The following ADAMTS17 variants were observed in gnomAD, a reference collection of about 807,000 sequenced individuals.
ADAMTS17 encodes A disintegrin and metalloproteinase with thrombospondin motifs 17.
ADAMTS17 carries 113 observed loss-of-function variants against 141.5 expected under a neutral mutation model. The observed-to-expected ratio is 0.80, with a 90% CI of 0.69 to 0.93. ADAMTS17 has a LOEUF of 0.93. ADAMTS17 is among the 40% of genes least tolerant of loss of function. The pLI, the probability that ADAMTS17 is intolerant of heterozygous loss-of-function variation, is 0.00. For missense variants in ADAMTS17, 1,659 were observed against 1,517.9 expected, an observed-to-expected ratio of 1.09 and a Z score of -1.54; for synonymous variants, 768 against 630.6, an observed-to-expected ratio of 1.22 and a Z score of -3.27.
rs1181436317 is a variant in ADAMTS17 at position 100,066,744 on chromosome 15, TCTGTCTCAG to T, written c.2138-12699_2138-12691del. Among the ~76,000 whole-genome samples the T allele has an allele frequency of 2.0e-5, 3 of 152,012 alleles. No individual in the cohort carries two copies. The East Asian group carries it at 5.8e-4, about 29-fold the overall frequency. On this transcript the variant is annotated intron_variant, in intron 15 of 21. Coordinates refer to ENST00000268070, the MANE Select transcript of ADAMTS17 (RefSeq NM_139057.4). ...GTGTCGTTCCTTTCTAAGTGGCCCA[TCTGTCTCAG>T]CAGTATTCCTTCAACACTTGAAATA... is the stretch of plus-strand genomic sequence containing the variant.
At chr15:100,183,809 G>A (rs1287677529) in intron 8 of ADAMTS17, among the ~76,000 whole-genome samples, 1 of 152,220 alleles carries the variant, frequency 6.6e-6, no homozygotes, top group African/African-American at 2.4e-5. Context: ...ACTTTTGTGG[G>A]CTTTAATTCC....
In ADAMTS17 at chr15:100,031,450, G is replaced by A. The variant is rs151053333; in HGVS notation, c.2591+17407C>T. Among the ~76,000 whole-genome samples, 392 of 152,336 alleles carry A rather than the reference G, an allele frequency of 2.6e-3. 1 individual carries two copies. The highest frequency in any genetic ancestry group is 4.3e-3 in the Non-Finnish European group (295 of 68,036). On this transcript the variant is annotated intron_variant, in intron 18 of 21. Transcript: ENST00000268070. ...GGACTAGAGGAAGAAGTCAAGGTGG[G>A]CTATGGGTAGGACACAGCATGGGTA...
At chr15:100,058,335 C>G (rs2032812938) in intron 15 of ADAMTS17, among the ~76,000 whole-genome samples, 1 of 152,180 alleles carries the variant, frequency 6.6e-6, no homozygotes, top group African/African-American at 2.4e-5. Flanking sequence ...CACCCCTATC[C>G]CGGCTCTAAC....
chr15:99,983,487 C>T (rs539078276), intron 20 of ADAMTS17, among the ~76,000 whole-genome samples: 7 of 152,300 alleles, frequency 4.6e-5, no homozygotes, highest in African/African-American at 7.2e-5. Context: ...GCGGGATTCC[C>T]TTCCCCTAGC....
chr15:100,107,908 A>C (rs1402355606), intron 14 of ADAMTS17, among the ~76,000 whole-genome samples: 1 of 152,134 alleles, frequency 6.6e-6, no homozygotes, highest in Non-Finnish European at 1.5e-5. Flanking sequence ...CAACATGCCC[A>C]GCTTGACCCG....
At chr15:100,077,718 C>T (rs999301137) in intron 15 of ADAMTS17, among the ~76,000 whole-genome samples, 7 of 152,270 alleles carry the variant, frequency 4.6e-5, no homozygotes, top group South Asian at 2.1e-4. Flanking sequence ...AAGACAAGGA[C>T]GTCCTGCTAC....
intron 15 of ADAMTS17, among the ~76,000 whole-genome samples, chr15:100,076,860 A>G (rs2034413784): frequency 6.6e-6 from 1 of 152,192 alleles, no homozygotes; most frequent in African/African-American, 2.4e-5. Flanking sequence ...ATATTATATC[A>G]TACTACATTT....
chr15:99,972,728 G>A lies in ADAMTS17; in HGVS notation c.*1674C>T, dbSNP rs1393160577. On this transcript the variant is annotated 3_prime_UTR_variant, in exon 22 of 22. Transcript: ENST00000268070. Reference sequence around the variant, plus strand: ...TTCTCAACACTTCTCGTTGATTCAAGTGGAAGTGAGTAAATTCCCTGACAT... The same window carrying A: ...TTCTCAACACTTCTCGTTGATTCAAATGGAAGTGAGTAAATTCCCTGACAT... The A allele has an allele frequency of 6.6e-6, 1 of 152,204 alleles. No individual in the cohort carries two copies. Among genetic ancestry groups the A allele is most frequent in the Non-Finnish European group, 1.5e-5 (1 of 68,050 alleles). The allele number at this position is 152,204 out of a possible 1,614,324, so 9.4% of individuals were successfully genotyped here.
At chr15:100,319,525 A>C (rs1267398255) in intron 3 of ADAMTS17, among the ~76,000 whole-genome samples, 1 of 152,158 alleles carries the variant, frequency 6.6e-6, no homozygotes, top group Non-Finnish European at 1.5e-5. Flanking sequence ...CCTGGCCAAC[A>C]TGGCGAAACC....
At chr15:100,219,088 C>G (rs1596304167) in intron 7 of ADAMTS17, among the ~76,000 whole-genome samples, 1 of 152,144 alleles carries the variant, frequency 6.6e-6, no homozygotes, top group Non-Finnish European at 1.5e-5. Flanking sequence ...TGAAAAGAGC[C>G]AGGCACAAAA....
chr15:100,325,291 T>C (rs989362363), intron 3 of ADAMTS17, among the ~76,000 whole-genome samples: 5 of 152,214 alleles, frequency 3.3e-5, no homozygotes, highest in African/African-American at 7.2e-5. Context: ...GTTGAAGTCC[T>C]AACCCCCAGG....
intron 20 of ADAMTS17, among the ~76,000 whole-genome samples, chr15:99,986,622 C>T (rs1884567534): frequency 1.3e-5 from 2 of 152,176 alleles, no homozygotes; most frequent in South Asian, 4.1e-4. Flanking sequence ...CTGTTCTCTT[C>T]CCTTGGTCTG....
At chr15:100,068,179 C>T (rs1596337383) in intron 15 of ADAMTS17, among the ~76,000 whole-genome samples, 2 of 152,176 alleles carry the variant, frequency 1.3e-5, no homozygotes, top group Non-Finnish European at 2.9e-5. Context: ...TGAGATCAAA[C>T]TGCAAGGCGG....
At chr15:100,293,289 T>A (rs1427490562) in intron 3 of ADAMTS17, among the ~76,000 whole-genome samples, 37 of 152,122 alleles carry the variant, frequency 2.4e-4, no homozygotes, top group Non-Finnish European at 1.2e-4. Context: ...GTGACTTTTG[T>A]TTCCTGAATC....
chr15:100,311,276 G>A (rs1373460205), intron 3 of ADAMTS17, among the ~76,000 whole-genome samples: 1 of 152,116 alleles, frequency 6.6e-6, no homozygotes, highest in Non-Finnish European at 1.5e-5. Flanking sequence ...GAGCTGGCAG[G>A]GACCTCTCTC....
chr15:100,131,536 A>G (rs1268521555), intron 12 of ADAMTS17, among the ~76,000 whole-genome samples: 1 of 152,144 alleles, frequency 6.6e-6, no homozygotes, highest in African/African-American at 2.4e-5. Flanking sequence ...GAAGCCAAAG[A>G]GAAAAAAACT....
At chr15:100,108,626 C>T (rs1250316590) in intron 14 of ADAMTS17, among the ~76,000 whole-genome samples, 1 of 152,228 alleles carries the variant, frequency 6.6e-6, no homozygotes, top group African/African-American at 2.4e-5. Context: ...GGCATTGGCT[C>T]AGTTCTGCCG....
intron 7 of ADAMTS17, among the ~76,000 whole-genome samples, chr15:100,230,696 G>C (rs1165820946): frequency 5.9e-5 from 9 of 152,200 alleles, no homozygotes; most frequent in Admixed American, 4.6e-4. Flanking sequence ...AGGAAGTATT[G>C]CATTTTGAAT....
chr15:100,074,165 A>G (rs147655397), intron 15 of ADAMTS17: 2 of 153,090 alleles, frequency 1.3e-5, no homozygotes, highest in Admixed American at 6.5e-5. Flanking sequence ...AAGATCAGAC[A>G]CATTTGGGGC....
Sources: allele counts gnomAD v4.1 joint callset (sites outside exome capture counted in the v4.1 genomes callset), GRCh38; gene constraint gnomAD v4.1.1; transcripts MANE v1.5; gene names NCBI Gene and HGNC (gene_info 2026-07-23, HGNC 2026-07-21).